STK4: variants seen among roughly 807,000 people sequenced by gnomAD.
STK4 encodes the protein serine/threonine kinase 4.
In STK4, 30 loss-of-function variants were observed where a neutral mutation model predicts 64.9. The observed-to-expected ratio is 0.46, with a 90% CI of 0.35 to 0.63. STK4 has a LOEUF of 0.63. Among genes scored for constraint, STK4 ranks in the 20% least tolerant of loss-of-function variants. The pLI, the probability that STK4 is intolerant of heterozygous loss-of-function variation, is 0.01. For synonymous variants in STK4, 177 were observed against 199.0 expected (o/e 0.89, Z 0.93); for missense variants, 466 against 598.5 (o/e 0.78, Z 2.31).
At position 45,075,206 on chromosome 20, in the gene STK4, C is replaced by T; in HGVS notation, c.*30C>T. 1 of 1,608,898 alleles carries T rather than the reference C, an allele frequency of 6.2e-7. No homozygotes were observed. The highest frequency in any genetic ancestry group is 8.5e-7 in the Non-Finnish European group (1 of 1,178,706). On this transcript the variant is annotated 3_prime_UTR_variant, in exon 11 of 11. Transcript: ENST00000372806. ...GGCCAGGCTGTGAGGGCCCCAGCTC[C>T]ACCCAGGCTTTGGGTGAATTCTGGA...
In STK4 at chr20:44,985,423, A is replaced by G. The variant is rs1273297032; in HGVS notation, c.361-1709A>G. Among the ~76,000 whole-genome samples, 12 of 152,094 alleles carry G rather than the reference A, an allele frequency of 7.9e-5. 1 individual carries two copies. The highest frequency in any genetic ancestry group is 7.9e-4 in the Admixed American group (12 of 15,254). On this transcript the variant is annotated intron_variant, in intron 4 of 10. Transcript: ENST00000372806. ...AGTGCACACAATCTCAGCTCACTGC[A>G]ATCTCCGCCTCCCGGGTTCAAGTGA...
intron 3 of STK4, 71 bp from the exon 4 acceptor site, chr20:44,981,758 A>G (rs1461887639): frequency 1.1e-6 from 1 of 903,066 alleles, no homozygotes; most frequent in Non-Finnish European, 1.8e-6. Flanking sequence ...TAATTTGTAT[A>G]TACTTGCTAG....
chr20:45,026,128 G>GTTTTTTTTTTTTTTTTTTTTTTTTTTTT, intron 10 of STK4, among the ~76,000 whole-genome samples: 1 of 128,982 alleles, frequency 7.8e-6, no homozygotes, highest in South Asian at 2.4e-4. Context: ...TTATCCAGTG[G>GTTTTTTTTTTTTTTTTTTTTTTTTTTTT]TTTTTTTTTT....
chr20:45,037,618 T>G (rs1044333935), intron 10 of STK4, among the ~76,000 whole-genome samples: 2 of 152,132 alleles, frequency 1.3e-5, no homozygotes, highest in African/African-American at 4.8e-5. Flanking sequence ...TGGCTTTTTG[T>G]GGTAAGGAAG....
intron 9 of STK4, among the ~76,000 whole-genome samples, chr20:45,004,815 C>A (rs1366929038): frequency 6.8e-6 from 1 of 147,876 alleles, no homozygotes; most frequent in East Asian, 2.0e-4. Flanking sequence ...GTTGCCCAGG[C>A]TGGAATGCAG....
chr20:45,025,359 CA>C (rs2068326469), intron 10 of STK4, among the ~76,000 whole-genome samples: 1 of 152,124 alleles, frequency 6.6e-6, no homozygotes, highest in African/African-American at 2.4e-5. Context: ...TATTTTTGTC[CA>C]GTTAGAAATT....
intron 10 of STK4, among the ~76,000 whole-genome samples, chr20:45,063,141 C>G (rs1433614109): frequency 6.6e-6 from 1 of 150,634 alleles, no homozygotes; most frequent in African/African-American, 2.5e-5. Context: ...GTAGCTGGGA[C>G]TACAGGGATG....
At chr20:45,012,946 T>G (rs2068078705) in intron 9 of STK4, among the ~76,000 whole-genome samples, 1 of 109,434 alleles carries the variant, frequency 9.1e-6, no homozygotes, top group African/African-American at 3.5e-5. Context: ...ACCACACCTG[T>G]GATTTTTTTT....
At chr20:45,068,523 A>G (rs552392675) in intron 10 of STK4, among the ~76,000 whole-genome samples, 11 of 152,296 alleles carry the variant, frequency 7.2e-5, no homozygotes, top group Non-Finnish European at 1.3e-4. Context: ...TAACTTGCCT[A>G]AAGTCACCCG....
At chr20:45,051,561 G>C (rs6130742) in intron 10 of STK4, among the ~76,000 whole-genome samples, 9 of 152,186 alleles carry the variant, frequency 5.9e-5, no homozygotes, top group Admixed American at 2.6e-4. Flanking sequence ...GTGGGATTTA[G>C]CTGTGGGTTG....
intron 10 of STK4, among the ~76,000 whole-genome samples, chr20:45,032,487 G>T (rs2068461881): frequency 6.6e-6 from 1 of 152,108 alleles, no homozygotes; most frequent in African/African-American, 2.4e-5. Context: ...TGTGTACTCA[G>T]TGTTGAGCTC....
chr20:44,997,782 T>C (rs538102010), intron 7 of STK4, among the ~76,000 whole-genome samples: 1 of 152,310 alleles, frequency 6.6e-6, no homozygotes, highest in South Asian at 2.1e-4. Context: ...GTTAAATCAT[T>C]GAACAAGACA....
chr20:45,071,453 C>T (rs1461364950), intron 10 of STK4, among the ~76,000 whole-genome samples: 2 of 152,182 alleles, frequency 1.3e-5, no homozygotes, highest in East Asian at 3.8e-4. Flanking sequence ...ATGACTGAGT[C>T]ATCAGCAGTG....
At chr20:45,025,266 C>A in intron 10 of STK4, 136 bp downstream of exon 10, 1 of 1,031,046 alleles carries the variant, frequency 9.7e-7, no homozygotes, top group Non-Finnish European at 1.3e-6. Context: ...AGCTGAAGGA[C>A]AGTATTTTGA....
chr20:45,006,536 G>A (rs965672363), intron 9 of STK4, among the ~76,000 whole-genome samples: 1 of 151,744 alleles, frequency 6.6e-6, no homozygotes, highest in African/African-American at 2.4e-5. Context: ...CTCTCATATT[G>A]TTACATTTCT....
At chr20:45,047,013 G>T (rs2068707333) in intron 10 of STK4, among the ~76,000 whole-genome samples, 1 of 152,218 alleles carries the variant, frequency 6.6e-6, no homozygotes, top group Admixed American at 6.5e-5. Context: ...GTTAGATAAT[G>T]AATATTTTTA....
In STK4 at chr20:44,980,547, A is replaced by G. The variant is rs530687371; in HGVS notation, c.246-1282A>G. Among the ~76,000 whole-genome samples the G allele has an allele frequency of 2.2e-4, 33 of 152,334 alleles. 1 individual carries two copies. Among genetic ancestry groups the G allele is most frequent in the African/African-American group, 6.7e-4 (28 of 41,584 alleles). On this transcript the variant is annotated intron_variant, in intron 3 of 10. Transcript: ENST00000372806. ...CCTAAAATTCCAGGTTTGATCCTGA[A>G]CATTTTTTCTTTATAATAGATTGTA... is the stretch of plus-strand genomic sequence containing the variant.
chr20:44,967,119 G>A, intron 1 of STK4: 1 of 984,300 alleles, frequency 1.0e-6, no homozygotes, highest in Non-Finnish European at 1.2e-6. Flanking sequence ...AAGGTTGAGG[G>A]TCTAGCAAGG....
At chr20:44,979,166 C>G (rs1258989599) in intron 3 of STK4, among the ~76,000 whole-genome samples, 1 of 151,662 alleles carries the variant, frequency 6.6e-6, no homozygotes, top group Non-Finnish European at 1.5e-5. Flanking sequence ...GTGGTGCTTG[C>G]TTTTTTTTGT....
Sources: gnomAD v4.1 joint callset for allele counts (sites outside exome capture counted in the v4.1 genomes callset) on GRCh38, gnomAD v4.1.1 for gene constraint, MANE v1.5 for transcripts, NCBI Gene and HGNC (gene_info 2026-07-23, HGNC 2026-07-21) for gene names.